The following TEK variants were observed in gnomAD, a reference collection of about 807,000 sequenced individuals.
TEK encodes the protein angiopoietin-1 receptor.
TEK carries 43 observed loss-of-function variants against 131.8 expected under a neutral mutation model. The ratio of observed to expected loss-of-function variants is 0.33; its 90% CI spans 0.26 to 0.42. The LOEUF (loss-of-function observed/expected upper bound fraction) is 0.42, where lower values mean the gene tolerates loss of function less well. TEK is among the 10% of genes least tolerant of loss of function. The probability of loss-of-function intolerance (pLI) is 1.00; values close to 1 mark genes in which losing one functional copy is unlikely to be tolerated. For synonymous variants in TEK, 580 were observed against 491.6 expected (o/e 1.18, Z -2.38); for missense variants, 1,162 against 1,384.4 (o/e 0.84, Z 2.55).
At chr9:27,213,776 G>C (rs919915308) in intron 18 of TEK, among the ~76,000 whole-genome samples, 179 bp downstream of exon 18, 1 of 152,122 alleles carries the variant, frequency 6.6e-6, no homozygotes, top group African/African-American at 2.4e-5. Context: ...CATGATTGCA[G>C]CATCTGCATT....
chr9:27,195,746 G>A (rs867653922), intron 11 of TEK: 32 of 449,250 alleles, frequency 7.1e-5, no homozygotes, highest in Non-Finnish European at 1.3e-4. Flanking sequence ...CACCTTCCAA[G>A]CATTTTCACA....
At chr9:27,138,805 G>GGAATT in intron 1 of TEK, among the ~76,000 whole-genome samples, 1 of 152,180 alleles carries the variant, frequency 6.6e-6, no homozygotes, top group African/African-American at 2.4e-5. Context: ...GTGGAGTACA[G>GGAATT]GAATTGAGTA....
At chr9:27,195,563 T>G in intron 11 of TEK, 1 of 446,118 alleles carries the variant, frequency 2.2e-6, no homozygotes, top group Non-Finnish European at 4.5e-6. Context: ...CTACTGAGAA[T>G]GCATGAATTA....
intron 11 of TEK, among the ~76,000 whole-genome samples, chr9:27,194,769 G>A (rs778633915): frequency 5.3e-5 from 8 of 152,098 alleles, no homozygotes; most frequent in African/African-American, 9.7e-5. Context: ...ATTATTGAAG[G>A]TTCTTCTTTT....
At chr9:27,216,921 G>A (rs1344476907) in intron 18 of TEK, among the ~76,000 whole-genome samples, 1 of 152,204 alleles carries the variant, frequency 6.6e-6, no homozygotes, top group Non-Finnish European at 1.5e-5. Flanking sequence ...ATTCTTGAAT[G>A]AGTAGATAGG....
At chr9:27,196,744 G>T (rs867802016) in intron 11 of TEK, among the ~76,000 whole-genome samples, 20 of 150,934 alleles carry the variant, frequency 1.3e-4, no homozygotes, top group African/African-American at 3.2e-4. Flanking sequence ...GAAGAGTGAG[G>T]GGGGGCGGTG....
In TEK at chr9:27,195,581, T is replaced by C. The variant is rs1824976295; in HGVS notation, c.1625-1734T>C. The C allele has an allele frequency of 6.6e-6, 3 of 453,642 alleles. No homozygotes were observed. In the Admixed American group the frequency reaches 7.1e-5, roughly 11 times the overall value. The allele number at this position is 453,642 out of a possible 1,614,324, so 28.1% of individuals were successfully genotyped here. ...CTGAGAATGCATGAATTAGAGGATCTCTATCCTACGTTTTGGAAGGACTTC... is the reference window on the plus strand; with the variant it reads ...CTGAGAATGCATGAATTAGAGGATCCCTATCCTACGTTTTGGAAGGACTTC... On this transcript the variant is annotated intron_variant, in intron 11 of 22. Transcript: ENST00000380036.
chr9:27,221,542 T>G (rs1469991842), intron 21 of TEK, among the ~76,000 whole-genome samples: 16 of 152,182 alleles, frequency 1.1e-4, no homozygotes, highest in Admixed American at 1.0e-3. Flanking sequence ...GGCTGGCATC[T>G]GGCAGGTGCC....
At chr9:27,224,836 A>ATGAT (rs1826249291) in intron 21 of TEK, among the ~76,000 whole-genome samples, 1 of 152,240 alleles carries the variant, frequency 6.6e-6, no homozygotes, top group African/African-American at 2.4e-5. Flanking sequence ...TGCAGATGAC[A>ATGAT]TGATTGTATT....
chr9:27,155,327 TC>T (rs1823292284), intron 1 of TEK, among the ~76,000 whole-genome samples: 1 of 152,238 alleles, frequency 6.6e-6, no homozygotes, highest in African/African-American at 2.4e-5. Context: ...TGTCCTGAGA[TC>T]TTAAAAGTTA....
At chr9:27,115,528 T>C (rs677534) in intron 1 of TEK, among the ~76,000 whole-genome samples, 122,993 of 150,952 alleles carry the variant, frequency 0.81, 49,847 homozygotes, top group East Asian at 0.94. Context: ...CAAACGAAAC[T>C]AAATTGAACA....
At chr9:27,156,223 A>C (rs528802607) in intron 1 of TEK, among the ~76,000 whole-genome samples, 29 of 152,266 alleles carry the variant, frequency 1.9e-4, no homozygotes, top group African/African-American at 6.7e-4. Context: ...CCATACACTC[A>C]TCCAACAAAT....
intron 3 of TEK, among the ~76,000 whole-genome samples, chr9:27,169,022 TCGTACCACC>T (rs1823849107): frequency 6.6e-6 from 1 of 152,210 alleles, no homozygotes; most frequent in African/African-American, 2.4e-5. Context: ...AGCTATGGTT[TCGTACCACC>T]CAGTGTCAGT....
chr9:27,153,216 AGGC>A (rs1330880348), intron 1 of TEK, among the ~76,000 whole-genome samples: 1 of 152,196 alleles, frequency 6.6e-6, no homozygotes, highest in Non-Finnish European at 1.5e-5. Flanking sequence ...TGGGAGGCCG[AGGC>A]GGGTGGATCA....
At chr9:27,116,574 C>T (rs1821568434) in intron 1 of TEK, among the ~76,000 whole-genome samples, 1 of 152,112 alleles carries the variant, frequency 6.6e-6, no homozygotes, top group South Asian at 2.1e-4. Context: ...TGAGCCACCG[C>T]ACCTGGCCAT....
Position 27,197,301 on chromosome 9 carries a change from C to T in TEK, c.1625-14C>T. 1 of 1,613,298 alleles carries T rather than the reference C, an allele frequency of 6.2e-7. No individual in the cohort carries two copies. Among genetic ancestry groups the T allele is most frequent in the South Asian group, 1.1e-5 (1 of 91,018 alleles). ...GCCATATATAAAAATAATGATTTTT[C>T]TGGATTCTCCTAGGACTCCCTCCTC... On this transcript the variant is annotated splice_polypyrimidine_tract_variant and intron_variant, in intron 11 of 22. Coordinates refer to ENST00000380036, the MANE Select transcript of TEK (RefSeq NM_000459.5).
intron 16 of TEK, 61 bp from the exon 17 acceptor site, chr9:27,212,646 T>G: frequency 6.3e-7 from 1 of 1,580,658 alleles, no homozygotes; most frequent in Non-Finnish European, 8.7e-7. Context: ...ACAGCACATC[T>G]CTTAAATGTC....
Position 27,185,631 on chromosome 9 carries a change from TA to T in TEK, c.1327+4del. On this transcript the variant is annotated splice_donor_region_variant and intron_variant, in intron 9 of 22. Transcript: ENST00000380036. Reference sequence around the variant, plus strand: ...AGCCCTTCAACATTTCTGTTAAAGGTAAGTTCATTTCCCAGAAAAAGGGATT... The same window carrying T: ...AGCCCTTCAACATTTCTGTTAAAGGTAGTTCATTTCCCAGAAAAAGGGATT... 1.2e-6 allele frequency: 2 copies of T among 1,613,622 alleles called. No individual in the cohort carries two copies. The highest frequency in any genetic ancestry group is 1.7e-6 in the Non-Finnish European group (2 of 1,179,682).
intron 1 of TEK, among the ~76,000 whole-genome samples, chr9:27,148,123 A>G (rs534455715): frequency 5.3e-5 from 8 of 152,238 alleles, no homozygotes; most frequent in East Asian, 1.9e-4. Context: ...TAGCTTTTAT[A>G]TAACTTTTCA....
Sources: gnomAD v4.1 joint callset for allele counts (sites outside exome capture counted in the v4.1 genomes callset) on GRCh38, gnomAD v4.1.1 for gene constraint, MANE v1.5 for transcripts, NCBI Gene and HGNC (gene_info 2026-07-23, HGNC 2026-07-21) for gene names.